The following MYO1F variants were observed in gnomAD, a reference collection of about 807,000 sequenced individuals.
MYO1F encodes the protein myosin IF.
In MYO1F, 60 loss-of-function variants were observed where a neutral mutation model predicts 146.6. The observed-to-expected ratio is 0.41, with a 90% CI of 0.33 to 0.51. The LOEUF is 0.51. Ranked by LOEUF, MYO1F falls within the 20% of genes least tolerant of loss-of-function variation. MYO1F has a pLI of 0.25. For synonymous variants in MYO1F, 602 were observed against 602.1 expected (o/e 1.00, Z 0.00); for missense variants, 1,274 against 1,534.3 (o/e 0.83, Z 2.83).
intron 14 of MYO1F, 112 bp downstream of exon 14, chr19:8,544,185 T>C: frequency 4.3e-6 from 5 of 1,150,946 alleles, no homozygotes; most frequent in Non-Finnish European, 1.3e-6. Flanking sequence ...CAGCCCTGGA[T>C]AAGGGTCCTA....
In MYO1F at chr19:8,553,868, T is replaced by TCACACACACA. The variant is rs374157870; in HGVS notation, c.327-441_327-432dup. ...GCCTGGGTGACAGACTGAGACTCTG[T>TCACACACACA]CACACACACACACACACACACACAC... On this transcript the variant is annotated intron_variant, in intron 4 of 27. Coordinates refer to ENST00000644032, the MANE Select transcript of MYO1F (RefSeq NM_012335.4). Among the ~76,000 whole-genome samples the TCACACACACA allele has an allele frequency of 1.4e-3, 165 of 121,572 alleles. 2 individuals carry two copies. The highest frequency in any genetic ancestry group is 2.3e-3 in the African/African-American group (67 of 29,210). The allele number at this position is 121,572 out of a possible 152,430, so 79.8% of individuals were successfully genotyped here. A position where few individuals can be genotyped will look rare whatever the true frequency, so the allele number is the denominator to read the frequency against.
chr19:8,532,913 CA>C (rs1568337712), intron 19 of MYO1F, among the ~76,000 whole-genome samples: 12 of 137,434 alleles, frequency 8.7e-5, no homozygotes, highest in Non-Finnish European at 1.7e-4. Context: ...TACACACACA[CA>C]CACACACACA....
Position 8,530,183 on chromosome 19 carries a change from A to C in MYO1F, c.2328+13T>G. On this transcript the variant is annotated intron_variant, in intron 21 of 27. Transcript: ENST00000644032. The surrounding 1 kb of genome is among the most constrained non-coding windows in gnomAD (Gnocchi z 5.8). ...AGTCAGGGTCTTGCTGTGCCCACCCACTAGTGCCTCACCTTGAAGCGGCGG... is the reference window on the plus strand; with the variant it reads ...AGTCAGGGTCTTGCTGTGCCCACCCCCTAGTGCCTCACCTTGAAGCGGCGG... 6.2e-7 allele frequency: 1 copy of C among 1,613,926 alleles called. No homozygotes were observed.
At position 8,552,069 on chromosome 19, in the gene MYO1F, T is replaced by C; in HGVS notation, c.600A>G (p.Gln200=). ...TGTGGAAGTTCCTCTCATTTTCATT[T>C]TGCATGACCACGCGGGACTTCTCCA... is the stretch of plus-strand genomic sequence containing the variant. ...FLLEKSRVVM[Q]NENERNFHIY... is the part of the protein sequence containing the mutation. The change falls in exon 7 of 28, where the codon CAA becomes CAG. Residue 200 remains glutamine (Q), a synonymous_variant. Coordinates refer to ENST00000644032, the MANE Select transcript of MYO1F (RefSeq NM_012335.4). 6.2e-7 allele frequency: 1 copy of C among 1,614,106 alleles called. No homozygotes were observed. Among genetic ancestry groups the C allele is most frequent in the Non-Finnish European group, 8.5e-7 (1 of 1,180,012 alleles).
At chr19:8,547,322 A>AAAT (rs1168401001) in intron 12 of MYO1F, among the ~76,000 whole-genome samples, 3 of 149,084 alleles carry the variant, frequency 2.0e-5, no homozygotes, top group Non-Finnish European at 4.5e-5. Context: ...AAAAAAAAAA[A>AAAT]AAGCGGGGAA....
intron 22 of MYO1F, 96 bp downstream of exon 22, chr19:8,527,242 G>C: frequency 6.5e-7 from 1 of 1,535,388 alleles, no homozygotes; most frequent in Non-Finnish European, 8.9e-7. Flanking sequence ...CATGGCACCA[G>C]GTAAGATTGT....
At chr19:8,544,658 G>T (rs556463746) in intron 13 of MYO1F, among the ~76,000 whole-genome samples, 194 bp from the exon 14 acceptor site, 1 of 151,954 alleles carries the variant, frequency 6.6e-6, no homozygotes, top group Non-Finnish European at 1.5e-5. Context: ...GAAGGGATAG[G>T]GGGGCAAGGG....
At chr19:8,555,427 G>T in intron 2 of MYO1F, 2 of 493,716 alleles carry the variant, frequency 4.1e-6, no homozygotes, top group Non-Finnish European at 3.6e-6. Flanking sequence ...GGTTGGATCC[G>T]GAATGGGGGA....
At position 8,556,478 on chromosome 19, in the gene MYO1F, TA is replaced by T. The variant is rs1241137845; in HGVS notation, c.4-683del. Among the ~76,000 whole-genome samples, 5 of 118,892 alleles carry T rather than the reference TA, an allele frequency of 4.2e-5. No individual in the cohort carries two copies. In the South Asian group the frequency reaches 1.2e-3, roughly 29 times the overall value. 78.0% of individuals were successfully genotyped at this position (118,892 alleles called of 152,430 possible). A position where few individuals can be genotyped will look rare whatever the true frequency, so the allele number is the denominator to read the frequency against. On this transcript the variant is annotated intron_variant, in intron 1 of 27. Coordinates refer to ENST00000644032, the MANE Select transcript of MYO1F (RefSeq NM_012335.4). The stretch of plus-strand genomic sequence containing the variant: ...GCAACATAGCGAGGCCCCGTCTCTA[TA>T]AAAAAAGAAAGAAAGAAAGAAAGAA...
Position 8,536,539 on chromosome 19 carries a change from C to T in MYO1F, c.1858G>A (p.Gly620Ser), listed in dbSNP as rs1248587093. 19 of 1,609,266 alleles carry T rather than the reference C, an allele frequency of 1.2e-5. No individual in the cohort carries two copies. The highest frequency in any genetic ancestry group is 1.5e-5 in the Non-Finnish European group (18 of 1,177,944). ...GCGAACTGGCGGCGGTAGGCGAAGC[C>T]GGCTCTGCGCACCCTGATGTTCTCC... ...LKENIRVRRA[G>S]FAYRRQFAKF... The change falls in exon 18 of 28, where the codon GGC (glycine) becomes AGC (serine). Residue 620 changes from glycine (G) to serine (S), a missense_variant. Physicochemically the swap from Gly to Ser is moderately conservative, Grantham distance 56. This residue lies in a region of MYO1F where 900 missense variants were observed against 1,155.1 expected (regional missense o/e 0.78). Transcript: ENST00000644032.
intron 6 of MYO1F, 40 bp from the exon 7 acceptor site, chr19:8,552,204 G>T: frequency 6.2e-7 from 1 of 1,613,150 alleles, no homozygotes; most frequent in Non-Finnish European, 8.5e-7. Context: ...CAGTGTCCTG[G>T]GGTGCAGGTG....
chr19:8,528,255 G>A (rs1364583339), intron 21 of MYO1F, among the ~76,000 whole-genome samples: 1 of 151,456 alleles, frequency 6.6e-6, no homozygotes, highest in Admixed American at 6.6e-5. Flanking sequence ...CAGATCAGGC[G>A]CGGTGGCACA....
At chr19:8,553,894 A>ACACACACACACTCTCTCTCTCTCT in intron 4 of MYO1F, among the ~76,000 whole-genome samples, 19 of 102,660 alleles carry the variant, frequency 1.9e-4, no homozygotes, top group Admixed American at 7.5e-4. Flanking sequence ...ACACACACAC[A>ACACACACACACTCTCTCTCTCTCT]CTCTCTCTCT....
chr19:8,573,936 C>G (rs945098707), intron 1 of MYO1F, among the ~76,000 whole-genome samples: 9 of 152,146 alleles, frequency 5.9e-5, no homozygotes, highest in Non-Finnish European at 8.8e-5. Flanking sequence ...AAGCAGCAGT[C>G]ACCAGTCCTA....
intron 16 of MYO1F, among the ~76,000 whole-genome samples, chr19:8,539,687 C>T (rs1972876478): frequency 1.3e-5 from 2 of 152,038 alleles, no homozygotes; most frequent in South Asian, 4.1e-4. Context: ...TGACTAAAGA[C>T]CAAACAAAAA....
chr19:8,544,000 T>TGGTGGCGGTGGCGGTGGCGGTGGC lies in MYO1F; in HGVS notation c.1524+273_1524+296dup. 5 of 153,878 alleles carry TGGTGGCGGTGGCGGTGGCGGTGGC rather than the reference T, an allele frequency of 3.2e-5. 1 individual carries two copies. The highest frequency in any genetic ancestry group is 1.1e-4 in the Admixed American group (1 of 9,518). The allele number at this position is 153,878 out of a possible 1,614,324, so 9.5% of individuals were successfully genotyped here. A position where few individuals can be genotyped will look rare whatever the true frequency, so the allele number is the denominator to read the frequency against. ...GTGCTGGTGCTGGTGGTGGTGCTGG[T>TGGTGGCGGTGGCGGTGGCGGTGGC]GGTGGCGGTGGCGGTGGCGGTGGCG... On this transcript the variant is annotated intron_variant, in intron 14 of 27. Transcript: ENST00000644032.
At chr19:8,534,348 C>T (rs1382474393) in intron 19 of MYO1F, among the ~76,000 whole-genome samples, 2 of 151,848 alleles carry the variant, frequency 1.3e-5, no homozygotes, top group Admixed American at 1.3e-4. Context: ...CACTTTGTCC[C>T]CCAGGCTGGA....
intron 1 of MYO1F, among the ~76,000 whole-genome samples, chr19:8,573,954 C>A (rs922360194): frequency 6.6e-6 from 1 of 152,162 alleles, no homozygotes. Flanking sequence ...CTATCCTGTT[C>A]AAAACCCAAC....
At position 8,545,637 on chromosome 19, in the gene MYO1F, A is replaced by G. The variant is rs751196739; in HGVS notation, c.1356+13T>C. The G allele has an allele frequency of 6.2e-7, 1 of 1,611,842 alleles. No individual in the cohort carries two copies. The highest frequency in any genetic ancestry group is 8.5e-7 in the Non-Finnish European group (1 of 1,178,048). The stretch of plus-strand genomic sequence containing the variant: ...CAGTGAGACGCCCCCGCCAAAGTTG[A>G]CCCAGCCCTCACCAGCTTGTTTTCG... On this transcript the variant is annotated intron_variant, in intron 13 of 27. Transcript: ENST00000644032.
Sources: allele counts gnomAD v4.1 joint callset (sites outside exome capture counted in the v4.1 genomes callset), GRCh38; gene constraint gnomAD v4.1.1; regional missense constraint gnomAD v4.1.1; non-coding constraint Gnocchi (gnomAD v3.1); transcripts MANE v1.5; gene names NCBI Gene and HGNC (gene_info 2026-07-23, HGNC 2026-07-21).